CNTLN: variants seen among roughly 807,000 people sequenced by gnomAD.
CNTLN encodes the protein centlein, also known as centlein, centrosomal protein.
A neutral mutation model predicts 180.0 loss-of-function variants in CNTLN; 212 were observed. That is an observed-to-expected ratio of 1.18 (90% CI 1.05 to 1.32). CNTLN has a LOEUF of 1.32. Among genes scored for constraint, CNTLN ranks in the 40% most tolerant of loss-of-function variants. The pLI is 0.00. For missense variants in CNTLN, 2,095 were observed against 1,610.9 expected (o/e 1.30, Z -5.14); for synonymous variants, 722 against 563.1 (o/e 1.28, Z -3.99).
intron 24 of CNTLN, among the ~76,000 whole-genome samples, chr9:17,486,520 G>T (rs1460806513): frequency 6.6e-6 from 1 of 152,018 alleles, no homozygotes; most frequent in Non-Finnish European, 1.5e-5. Flanking sequence ...TGGATAGTTT[G>T]AATCAACAAG....
intron 25 of CNTLN, among the ~76,000 whole-genome samples, chr9:17,491,486 G>A (rs1200903822): frequency 6.6e-6 from 1 of 151,964 alleles, no homozygotes; most frequent in African/African-American, 2.4e-5. Context: ...CCAGAGTGTG[G>A]GTCTTTACTA....
rs537118663 is a variant in CNTLN at position 17,496,682 on chromosome 9, T to C, written c.4120-5869T>C. 2.0e-5 allele frequency among the ~76,000 whole-genome samples: 3 copies of C among 152,346 alleles called. No individual in the cohort carries two copies. The South Asian group carries it at 6.2e-4, about 32-fold the overall frequency. Reference sequence around the variant, plus strand: ...TGTATCCATGTGATAAACATTGGTATTCACACCTAGTCCTATTGAGCCCCC... The same window carrying C: ...TGTATCCATGTGATAAACATTGGTACTCACACCTAGTCCTATTGAGCCCCC... On this transcript the variant is annotated intron_variant, in intron 25 of 25. Coordinates refer to ENST00000380647, the MANE Select transcript of CNTLN (RefSeq NM_017738.4).
In CNTLN at chr9:17,288,173, C is replaced by G. The variant is rs1398978686; in HGVS notation, c.984-10017C>G. On this transcript the variant is annotated intron_variant, in intron 6 of 25. Transcript: ENST00000380647. ...GCTATAAATTTCCCTCTACACACTGCTTTGAATGCATCCCAGAGATTCTGG... is the reference window on the plus strand; with the variant it reads ...GCTATAAATTTCCCTCTACACACTGGTTTGAATGCATCCCAGAGATTCTGG... Among the ~76,000 whole-genome samples the G allele has an allele frequency of 1.6e-5, 2 of 123,822 alleles. 1 individual carries two copies. The highest frequency in any genetic ancestry group is 3.2e-5 in the Non-Finnish European group (2 of 62,306). The allele number at this position is 123,822 out of a possible 152,430, so 81.2% of individuals were successfully genotyped here. A position where few individuals can be genotyped will look rare whatever the true frequency, so the allele number is the denominator to read the frequency against.
chr9:17,284,704 G>A (rs1194161652), intron 6 of CNTLN, among the ~76,000 whole-genome samples: 4 of 151,706 alleles, frequency 2.6e-5, no homozygotes, highest in African/African-American at 2.4e-5. Context: ...TTCAACAAAC[G>A]GCTTCTGGAT....
chr9:17,184,878 G>A (rs950151538), intron 2 of CNTLN, among the ~76,000 whole-genome samples: 3 of 152,142 alleles, frequency 2.0e-5, no homozygotes, highest in Admixed American at 6.5e-5. Context: ...AATTATTACC[G>A]TATTTTTCTA....
At chr9:17,306,196 C>T (rs1818700661) in intron 7 of CNTLN, among the ~76,000 whole-genome samples, 1 of 141,766 alleles carries the variant, frequency 7.1e-6, no homozygotes, top group African/African-American at 2.7e-5. Flanking sequence ...GTTGTCCTGG[C>T]TGGAGTGCAA....
chr9:17,200,605 A>G (rs1403663487), intron 2 of CNTLN, among the ~76,000 whole-genome samples: 1 of 152,034 alleles, frequency 6.6e-6, no homozygotes. Flanking sequence ...GCAATTGTGA[A>G]TGGGAGTTCA....
chr9:17,383,608 C>G (rs1484856496), intron 13 of CNTLN, among the ~76,000 whole-genome samples: 4 of 151,374 alleles, frequency 2.6e-5, no homozygotes, highest in African/African-American at 9.7e-5. Context: ...TAAATTGAAA[C>G]AAAAGTTAAT....
intron 18 of CNTLN, among the ~76,000 whole-genome samples, chr9:17,456,475 T>TGTATATTA (rs561524207): frequency 2.6e-5 from 4 of 152,306 alleles, no homozygotes; most frequent in Non-Finnish European, 1.5e-5. Flanking sequence ...TCATATTTAA[T>TGTATATTA]AATATGCACT....
rs534618932 is a variant in CNTLN, at chr9:17,346,260, C to G, written c.1886+3816C>G. 2.6e-5 allele frequency among the ~76,000 whole-genome samples: 4 copies of G among 152,188 alleles called. No individual in the cohort carries two copies. In the East Asian group the frequency reaches 7.7e-4, roughly 29 times the overall value. ...ATGAGAACACACCAGCATGAGATCT[C>G]ACTAGCATGAGAACAGCATGAGAAC... On this transcript the variant is annotated intron_variant, in intron 12 of 25. Coordinates refer to ENST00000380647, the MANE Select transcript of CNTLN (RefSeq NM_017738.4).
intron 5 of CNTLN, among the ~76,000 whole-genome samples, chr9:17,252,894 T>G (rs926789443): frequency 3.3e-5 from 5 of 151,436 alleles, no homozygotes; most frequent in Admixed American, 3.3e-4. Flanking sequence ...TTTTTCTGTT[T>G]CCATGTATTA....
chr9:17,387,226 A>G (rs986008713), intron 13 of CNTLN, among the ~76,000 whole-genome samples: 3 of 152,178 alleles, frequency 2.0e-5, no homozygotes, highest in Non-Finnish European at 4.4e-5. Context: ...TGAGAAATCA[A>G]AGTTTTACAC....
intron 13 of CNTLN, among the ~76,000 whole-genome samples, chr9:17,371,443 A>AT (rs1824309033): frequency 6.6e-6 from 1 of 152,192 alleles, no homozygotes; most frequent in Non-Finnish European, 1.5e-5. Context: ...ATATTCACCC[A>AT]ACACGCTAGT....
At chr9:17,208,376 A>G (rs556864316) in intron 2 of CNTLN, among the ~76,000 whole-genome samples, 1 of 152,124 alleles carries the variant, frequency 6.6e-6, no homozygotes, top group South Asian at 2.1e-4. Flanking sequence ...GTTTGGTAGT[A>G]TTTTGTTGAG....
chr9:17,342,718 A>G (rs780925620), intron 12 of CNTLN, among the ~76,000 whole-genome samples: 11 of 152,264 alleles, frequency 7.2e-5, no homozygotes, highest in African/African-American at 2.4e-4. Flanking sequence ...GTCGCTCTTC[A>G]TTAGCCTGTA....
At chr9:17,333,609 T>C (rs1820789223) in intron 10 of CNTLN, among the ~76,000 whole-genome samples, 2 of 152,324 alleles carry the variant, frequency 1.3e-5, no homozygotes, top group Non-Finnish European at 1.5e-5. Context: ...ATAGGGTTTA[T>C]GGGTATAGTT....
At chr9:17,498,928 C>T (rs1012313782) in intron 25 of CNTLN, among the ~76,000 whole-genome samples, 4 of 152,130 alleles carry the variant, frequency 2.6e-5, no homozygotes, top group Non-Finnish European at 5.9e-5. Flanking sequence ...TGTATGTCTC[C>T]CTCAGAGATT....
intron 5 of CNTLN, among the ~76,000 whole-genome samples, chr9:17,253,658 T>C (rs922636072): frequency 2.0e-5 from 3 of 151,514 alleles, no homozygotes; most frequent in African/African-American, 4.8e-5. Flanking sequence ...TTCTGGAGTT[T>C]TTCTGGTAGA....
At chr9:17,294,099 G>C (rs1563966168) in intron 6 of CNTLN, among the ~76,000 whole-genome samples, 1 of 152,106 alleles carries the variant, frequency 6.6e-6, no homozygotes, top group Non-Finnish European at 1.5e-5. Context: ...GTGGATTCGT[G>C]GTCTCGCTGG....
Sources: gnomAD v4.1 joint callset for allele counts (sites outside exome capture counted in the v4.1 genomes callset) on GRCh38, gnomAD v4.1.1 for gene constraint, MANE v1.5 for transcripts, NCBI Gene and HGNC (gene_info 2026-07-23, HGNC 2026-07-21) for gene names.